STPG4: variants seen among roughly 807,000 people sequenced by gnomAD.
The protein encoded by STPG4 is sperm-tail PG-rich repeat containing 4.
STPG4 carries 41 observed loss-of-function variants against 31.5 expected under a neutral mutation model. The observed-to-expected ratio is 1.30, with a 90% CI of 1.01 to 1.69. The LOEUF is 1.69. Ranked by LOEUF, STPG4 falls within the 40% of genes most tolerant of loss-of-function variation. The pLI, the probability that STPG4 is intolerant of heterozygous loss-of-function variation, is 0.00. For missense variants in STPG4, 375 were observed against 293.4 expected (o/e 1.28, Z -2.03); for synonymous variants, 141 against 103.0 (o/e 1.37, Z -2.24).
intron 5 of STPG4, among the ~76,000 whole-genome samples, chr2:47,107,372 G>C (rs965442791): frequency 1.3e-5 from 2 of 152,150 alleles, no homozygotes; most frequent in Non-Finnish European, 2.9e-5. Context: ...CCCGCACTCG[G>C]AGCAGCTGGC....
chr2:47,096,108 C>A (rs1685664480), intron 5 of STPG4, among the ~76,000 whole-genome samples: 1 of 152,228 alleles, frequency 6.6e-6, no homozygotes, highest in Non-Finnish European at 1.5e-5. Flanking sequence ...GTGTTACTGG[C>A]AGCAGAACTT....
chr2:47,125,053 G>A (rs919876862), intron 5 of STPG4, among the ~76,000 whole-genome samples: 2 of 152,088 alleles, frequency 1.3e-5, no homozygotes, highest in African/African-American at 2.4e-5. Flanking sequence ...ACACCTGTTG[G>A]CCATTTGTAT....
Position 47,153,008 on chromosome 2 carries a change from G to A in STPG4, c.90C>T (p.Ala30=), listed in dbSNP as rs753086145. Reference sequence around the variant, plus strand: ...CTCTTTCAAAAGAGGAAGTCTTTTGGGCTGGTTTCTGTTAACAAACACAAA... The same window carrying A: ...CTCTTTCAAAAGAGGAAGTCTTTTGAGCTGGTTTCTGTTAACAAACACAAA... ...GESFITASKP[A]QKTSSFEREG... is the part of the protein sequence containing the mutation. The change falls in exon 2 of 7, where the codon GCC becomes GCT. Residue 30 remains alanine, a synonymous_variant. Coordinates refer to ENST00000445927, the MANE Select transcript of STPG4 (RefSeq NM_001163561.2). 3.1e-6 allele frequency: 5 copies of A among 1,610,056 alleles called. No individual in the cohort carries two copies. In the African/African-American group the frequency reaches 5.3e-5, roughly 17 times the overall value.
intron 5 of STPG4, among the ~76,000 whole-genome samples, chr2:47,114,807 AC>A (rs1362200311): frequency 1.3e-5 from 2 of 152,044 alleles, no homozygotes; most frequent in Non-Finnish European, 2.9e-5. Flanking sequence ...TTGCTCTGTC[AC>A]CCAGGCTGGA....
At position 47,099,298 on chromosome 2, in the gene STPG4, A is replaced by T. The variant is rs570841038; in HGVS notation, c.520-8924T>A. 8.5e-5 allele frequency among the ~76,000 whole-genome samples: 13 copies of T among 152,328 alleles called. No individual in the cohort carries two copies. In the South Asian group the frequency reaches 2.7e-3, roughly 32 times the overall value. ...AAATCTGAGGCAGTTCTGGCCTCAA[A>T]CTTGGACAGGGCTGGCAACTGCCCT... On this transcript the variant is annotated intron_variant, in intron 5 of 6. Coordinates refer to ENST00000445927, the MANE Select transcript of STPG4 (RefSeq NM_001163561.2).
chr2:47,129,022 C>G (rs1390077115), intron 5 of STPG4: 2 of 152,220 alleles, frequency 1.3e-5, no homozygotes, highest in Non-Finnish European at 1.5e-5. Context: ...CTGGGTCCTT[C>G]TCTTTAAGGC....
chr2:47,152,284 CTAGT>C (rs2103809879), intron 2 of STPG4, among the ~76,000 whole-genome samples: 1 of 152,320 alleles, frequency 6.6e-6, no homozygotes, highest in African/African-American at 2.4e-5. Flanking sequence ...AGCATATGGC[CTAGT>C]TAGTCCAATA....
At chr2:47,087,298 C>T (rs1410098590) in intron 6 of STPG4, among the ~76,000 whole-genome samples, 168 bp from the exon 7 acceptor site, 1 of 152,226 alleles carries the variant, frequency 6.6e-6, no homozygotes, top group African/African-American at 2.4e-5. Context: ...TGGAGCATGT[C>T]CTTGGAGCAG....
chr2:47,107,378 C>A (rs978184999), intron 5 of STPG4, among the ~76,000 whole-genome samples: 1 of 152,184 alleles, frequency 6.6e-6, no homozygotes, highest in Admixed American at 6.5e-5. Context: ...CTCGGAGCAG[C>A]TGGCCGGCCC....
intron 5 of STPG4, among the ~76,000 whole-genome samples, chr2:47,100,119 C>T (rs1685760971): frequency 6.6e-6 from 1 of 152,116 alleles, no homozygotes; most frequent in African/African-American, 2.4e-5. Flanking sequence ...GGAGTGCGGG[C>T]ACATGGTGCG....
intron 3 of STPG4, among the ~76,000 whole-genome samples, chr2:47,139,920 C>T (rs372206234): frequency 1.3e-5 from 2 of 152,116 alleles, no homozygotes; most frequent in African/African-American, 4.8e-5. Context: ...GGACTACAGG[C>T]GCCCACCATC....
rs572252605 is a variant in STPG4 at position 47,089,114 on chromosome 2, G to A, written c.624+1156C>T. ...GTGCTCCAGTCACCACGCCCGTATG[G>A]TGAATGCTTAGAAGTTAACACTACA... On this transcript the variant is annotated intron_variant, in intron 6 of 6. Coordinates refer to ENST00000445927, the MANE Select transcript of STPG4 (RefSeq NM_001163561.2). Among the ~76,000 whole-genome samples, 61 of 152,306 alleles carry A rather than the reference G, an allele frequency of 4.0e-4. 1 individual carries two copies. The highest frequency in any genetic ancestry group is 1.4e-3 in the African/African-American group (60 of 41,560).
In STPG4 at chr2:47,087,027, T is replaced by C. The variant is rs1424442806; in HGVS notation, c.728A>G (p.Asn243Ser). 1.9e-6 allele frequency: 3 copies of C among 1,551,716 alleles called. No individual in the cohort carries two copies. Among genetic ancestry groups the C allele is most frequent in the South Asian group, 2.4e-5 (2 of 84,064 alleles). The change falls in exon 7 of 7, where the codon AAC becomes AGC. Residue 243 changes from asparagine (N) to serine (S), a missense_variant. Coordinates refer to ENST00000445927, the MANE Select transcript of STPG4 (RefSeq NM_001163561.2). ...ATCACTTTATTTTAAAAGCCAATTGTTGTTGTTGAAGAAAAGGCTATGCTC... is the reference window on the plus strand; with the variant it reads ...ATCACTTTATTTTAAAAGCCAATTGCTGTTGTTGAAGAAAAGGCTATGCTC... ...GQEHSLFFNN[N>S]NWLLK
chr2:47,098,892 G>C lies in STPG4; in HGVS notation c.520-8518C>G, dbSNP rs572043328. 2.0e-4 allele frequency among the ~76,000 whole-genome samples: 31 copies of C among 152,286 alleles called. 1 individual carries two copies. The highest frequency in any genetic ancestry group is 6.5e-4 in the African/African-American group (27 of 41,554). On this transcript the variant is annotated intron_variant, in intron 5 of 6. Transcript: ENST00000445927. ...GGCCTATGCAACTCAGGAAATTCTAGAATTCTGTCAACATTGGTCTACAGG... is the reference window on the plus strand; with the variant it reads ...GGCCTATGCAACTCAGGAAATTCTACAATTCTGTCAACATTGGTCTACAGG...
At chr2:47,112,226 G>A (rs976009323) in intron 5 of STPG4, among the ~76,000 whole-genome samples, 2 of 152,136 alleles carry the variant, frequency 1.3e-5, no homozygotes, top group African/African-American at 2.4e-5. Context: ...GGGTGCAGTG[G>A]CATGATCTCC....
At chr2:47,133,244 T>G (rs1056276326) in intron 3 of STPG4, among the ~76,000 whole-genome samples, 1 of 151,822 alleles carries the variant, frequency 6.6e-6, no homozygotes, top group African/African-American at 2.4e-5. Context: ...CATAGCTCAC[T>G]GCGCTTCAAC....
intron 5 of STPG4, among the ~76,000 whole-genome samples, chr2:47,116,515 T>G (rs1686155287): frequency 1.3e-5 from 2 of 152,234 alleles, no homozygotes; most frequent in African/African-American, 4.8e-5. Flanking sequence ...GTAGACGGTT[T>G]TACGGAATTG....
chr2:47,129,585 C>T (rs878985981), intron 5 of STPG4: 18 of 216,882 alleles, frequency 8.3e-5, no homozygotes, highest in South Asian at 5.2e-4. Context: ...CGTGCAAAGT[C>T]CCCCCGTCAC....
At chr2:47,091,615 A>G (rs1685570757) in intron 5 of STPG4, among the ~76,000 whole-genome samples, 1 of 152,180 alleles carries the variant, frequency 6.6e-6, no homozygotes, top group South Asian at 2.1e-4. Context: ...ATAATGCAGG[A>G]GTTAGGGGAA....
Sources: allele counts gnomAD v4.1 joint callset (sites outside exome capture counted in the v4.1 genomes callset), GRCh38; gene constraint gnomAD v4.1.1; transcripts MANE v1.5; gene names NCBI Gene and HGNC (gene_info 2026-07-23, HGNC 2026-07-21).